Variants in MUC17 observed in about 807,000 individuals in gnomAD.
MUC17 encodes the protein mucin 17, cell surface associated.
In MUC17, 190 loss-of-function variants were observed where a neutral mutation model predicts 170.3. The observed-to-expected ratio is 1.12, with a 90% CI of 0.99 to 1.26. The LOEUF is 1.26. Ranked by LOEUF, MUC17 falls within the 50% of genes most tolerant of loss-of-function variation. The pLI is 0.00. For missense variants in MUC17, 6,415 were observed against 5,530.0 expected, an observed-to-expected ratio of 1.16 and a Z score of -5.08; for synonymous variants, 2,325 against 2,002.5, an observed-to-expected ratio of 1.16 and a Z score of -4.30.
chr7:101,034,273 A>G lies in MUC17; in HGVS notation c.2857A>G (p.Thr953Ala). Reference sequence around the variant, plus strand: ...TTCAGCAACTCCTGTTGACACCAGCACACCTGTGACCACTTCTACTGAAGC... The same window carrying G: ...TTCAGCAACTCCTGTTGACACCAGCGCACCTGTGACCACTTCTACTGAAGC... ...TLSATPVDTS[T>A]PVTTSTEATS... is the part of the protein sequence containing the mutation. Residue 953 changes from threonine (T) to alanine (A), a missense_variant, in exon 3 of 13, where the codon ACA becomes GCA. Coordinates refer to ENST00000306151, the MANE Select transcript of MUC17 (RefSeq NM_001040105.2). The G allele has an allele frequency of 6.2e-7, 1 of 1,609,118 alleles. No homozygotes were observed. Among genetic ancestry groups the G allele is most frequent in the Non-Finnish European group, 8.5e-7 (1 of 1,177,844 alleles).
In MUC17 at chr7:101,043,543, C is replaced by T. The variant is rs371363140; in HGVS notation, c.12127C>T (p.Arg4043Cys). The part of the protein sequence containing the change: ...TPHTSTSVTT[R>C]PVTPSSESSR... The stretch of plus-strand genomic sequence containing the variant: ...TCACACCTCTACTTCTGTCACCACC[C>T]GTCCTGTGACCCCTTCATCAGAATC... Residue 4043 changes from arginine (R) to cysteine (C), a missense_variant, in exon 3 of 13, where the codon CGT (arginine) becomes TGT (cysteine). Coordinates refer to ENST00000306151, the MANE Select transcript of MUC17 (RefSeq NM_001040105.2). The T allele has an allele frequency of 2.2e-5, 35 of 1,614,068 alleles. No homozygotes were observed. Among genetic ancestry groups the T allele is most frequent in the African/African-American group, 6.7e-5 (5 of 74,914 alleles).
In MUC17 at chr7:101,039,157, G is replaced by C. The variant is rs1794597779; in HGVS notation, c.7741G>C (p.Val2581Leu). The change falls in exon 3 of 13, where the codon GTC becomes CTC. Residue 2581 changes from valine to leucine, a missense_variant. Val to Leu is a conservative substitution (Grantham distance 32). Coordinates refer to ENST00000306151, the MANE Select transcript of MUC17 (RefSeq NM_001040105.2). ...EGSTPLRSMP[V>L]STKPLASSEA... ...AAGCACTCCATTAAGAAGTATGCCTGTCAGCACCAAGCCGTTGGCCAGTTC... is the reference window on the plus strand; with the variant it reads ...AAGCACTCCATTAAGAAGTATGCCTCTCAGCACCAAGCCGTTGGCCAGTTC... 2 of 1,613,816 alleles carry C rather than the reference G, an allele frequency of 1.2e-6. No individual in the cohort carries two copies. Among genetic ancestry groups the C allele is most frequent in the Non-Finnish European group, 1.7e-6 (2 of 1,179,982 alleles).
chr7:101,054,264 T>C (rs1325813623), intron 11 of MUC17, among the ~76,000 whole-genome samples: 1 of 152,020 alleles, frequency 6.6e-6, no homozygotes, highest in Non-Finnish European at 1.5e-5. Context: ...CACAGGTTCC[T>C]TGAGGGTGGT....
At chr7:101,054,054 T>G (rs1795004909) in intron 11 of MUC17, among the ~76,000 whole-genome samples, 2 of 26,768 alleles carry the variant, frequency 7.5e-5, no homozygotes, top group African/African-American at 1.3e-4. Flanking sequence ...AACAAGACCC[T>G]GTCAAAAAAA....
chr7:101,037,105 C>T lies in MUC17; in HGVS notation c.5689C>T (p.Pro1897Ser), dbSNP rs544539696. ...LSTTPAVTST[P>S]VTTYAQVSSS... is the part of the protein sequence containing the mutation. ...AACAACTCCCGCTGTCACCAGCACA[C>T]CTGTGACCACTTATGCTCAAGTCAG... The change falls in exon 3 of 13, where the codon CCT becomes TCT. Residue 1897 changes from proline (P) to serine (S), a missense_variant. Coordinates refer to ENST00000306151, the MANE Select transcript of MUC17 (RefSeq NM_001040105.2). The T allele has an allele frequency of 2.5e-6, 4 of 1,569,242 alleles. No homozygotes were observed. Among genetic ancestry groups the T allele is most frequent in the Non-Finnish European group, 3.4e-6 (4 of 1,174,418 alleles).
rs10267904 is a variant in MUC17 at position 101,034,221 on chromosome 7, G to A, written c.2805G>A (p.Pro935=). 157,054 of 1,585,650 alleles carry A rather than the reference G, an allele frequency of 0.099. No homozygotes were observed. The highest frequency in any genetic ancestry group is 0.18 in the African/African-American group (12,832 of 71,306). The change falls in exon 3 of 13, where the codon CCG becomes CCA. Residue 935 remains proline, a synonymous_variant. Transcript: ENST00000306151. ...PLTSMPDSTT[P]VVSSEARTLS... ...CAAGTATGCCTGACAGCACCACGCC[G>A]GTAGTCAGTTCTGAGGCTAGAACAC... is the stretch of plus-strand genomic sequence containing the variant.
rs1483936292 is a variant in MUC17, at chr7:101,043,522, A to G, written c.12106A>G (p.Thr4036Ala). 1.9e-6 allele frequency: 3 copies of G among 1,613,958 alleles called. No homozygotes were observed. The highest frequency in any genetic ancestry group is 2.5e-6 in the Non-Finnish European group (3 of 1,179,998). ...GCTTTCTGCAACCAGTACACCTCAC[A>G]CCTCTACTTCTGTCACCACCCGTCC... ...STLSATSTPH[T>A]STSVTTRPVT... is the part of the protein sequence containing the mutation. Residue 4036 changes from threonine to alanine, a missense_variant, in exon 3 of 13, where the codon ACC becomes GCC. By Grantham distance (58) the Thr-to-Ala change is moderately conservative (BLOSUM62 0). Coordinates refer to ENST00000306151, the MANE Select transcript of MUC17 (RefSeq NM_001040105.2).
rs1370676636 is a variant in MUC17, at chr7:101,035,434, A to G, written c.4018A>G (p.Thr1340Ala). The change falls in exon 3 of 13, where the codon ACA becomes GCA. Residue 1340 changes from threonine to alanine, a missense_variant. Coordinates refer to ENST00000306151, the MANE Select transcript of MUC17 (RefSeq NM_001040105.2). ...TTATAGTGAAGGAAGAACTCCTTTAACAAGTATACCTGTCAACACCACACT... is the reference window on the plus strand; with the variant it reads ...TTATAGTGAAGGAAGAACTCCTTTAGCAAGTATACCTGTCAACACCACACT... ...STYSEGRTPL[T>A]SIPVNTTLVA... The G allele has an allele frequency of 6.2e-7, 1 of 1,602,528 alleles. No individual in the cohort carries two copies. Among genetic ancestry groups the G allele is most frequent in the Non-Finnish European group, 8.5e-7 (1 of 1,172,544 alleles).
rs750245267 is a variant in MUC17 at position 101,039,026 on chromosome 7, C to T, written c.7610C>T (p.Thr2537Ile). ...VASPEASTLS[T>I]TPVDSNSPVV... Reference sequence around the variant, plus strand: ...AGTCCTGAGGCTAGCACCCTTTCAACAACTCCTGTTGACTCCAACAGTCCT... The same window carrying T: ...AGTCCTGAGGCTAGCACCCTTTCAATAACTCCTGTTGACTCCAACAGTCCT... The change falls in exon 3 of 13, where the codon ACA becomes ATA. Residue 2537 changes from threonine to isoleucine, a missense_variant. By Grantham distance (89) the Thr-to-Ile change is moderately conservative. Transcript: ENST00000306151. 6.8e-6 allele frequency: 11 copies of T among 1,613,814 alleles called. No individual in the cohort carries two copies. Among genetic ancestry groups the T allele is most frequent in the African/African-American group, 1.3e-5 (1 of 74,876 alleles).
intron 7 of MUC17, among the ~76,000 whole-genome samples, chr7:101,051,364 CAAAAAA>C (rs398005597): frequency 7.7e-5 from 4 of 52,138 alleles, no homozygotes; most frequent in Non-Finnish European, 1.3e-4. Context: ...TACTCCATCT[CAAAAAA>C]AAAAAAAAAA....
Position 101,033,832 on chromosome 7 carries a change from C to G in MUC17, c.2416C>G (p.Pro806Ala), listed in dbSNP as rs557250612. 6.2e-7 allele frequency: 1 copy of G among 1,606,802 alleles called. No homozygotes were observed. Among genetic ancestry groups the G allele is most frequent in the East Asian group, 2.3e-5 (1 of 44,394 alleles). The part of the protein sequence containing the change: ...MPISTPSEGS[P>A]LLTSIPVSIT... ...AATCTCAACTCCTAGTGAAGGAAGT[C>G]CTTTATTAACAAGTATACCTGTCAG... is the stretch of plus-strand genomic sequence containing the variant. Residue 806 changes from proline (P) to alanine (A), a missense_variant, in exon 3 of 13, where the codon CCT becomes GCT. Transcript: ENST00000306151.
At chr7:101,053,807 G>A (rs1794999422) in intron 11 of MUC17, among the ~76,000 whole-genome samples, 1 of 150,930 alleles carries the variant, frequency 6.6e-6, no homozygotes, top group Admixed American at 6.6e-5. Context: ...TTGAACCCGG[G>A]AGGCAGAGGT....
chr7:101,037,837 T>C lies in MUC17; in HGVS notation c.6421T>C (p.Ser2141Pro). 1 of 1,613,876 alleles carries C rather than the reference T, an allele frequency of 6.2e-7. No homozygotes were observed. Among genetic ancestry groups the C allele is most frequent in the Non-Finnish European group, 8.5e-7 (1 of 1,179,912 alleles). ...TGTGATCACTTCTACTGAAGTCAGT[T>C]CATCTCCTATACCTACTGAAGGTAC... is the stretch of plus-strand genomic sequence containing the variant. ...SPVITSTEVSSSPIPTEGTSM... is the reference protein window; with the variant it reads ...SPVITSTEVSPSPIPTEGTSM... The change falls in exon 3 of 13, where the codon TCA (serine) becomes CCA (proline). Residue 2141 changes from serine to proline, a missense_variant. Ser to Pro is a moderately conservative substitution (Grantham distance 74). Coordinates refer to ENST00000306151, the MANE Select transcript of MUC17 (RefSeq NM_001040105.2).
chr7:101,053,616 T>TAA, intron 11 of MUC17, 180 bp downstream of exon 11: 1 of 492,636 alleles, frequency 2.0e-6, no homozygotes, highest in Non-Finnish European at 3.6e-6. Flanking sequence ...TAAAAAAAAA[T>TAA]AAAAAATAAA....
intron 1 of MUC17, among the ~76,000 whole-genome samples, chr7:101,030,114 C>T (rs991003671): frequency 5.3e-5 from 8 of 152,132 alleles, no homozygotes; most frequent in Non-Finnish European, 8.8e-5. Flanking sequence ...GTGTGTTGAA[C>T]CTTAAGTTCT....
chr7:101,020,616 G>A (rs573607525), intron 1 of MUC17, among the ~76,000 whole-genome samples: 2 of 152,020 alleles, frequency 1.3e-5, no homozygotes, highest in South Asian at 2.1e-4. Flanking sequence ...GAATGTTCCC[G>A]CCAAGTCCCT....
chr7:101,028,380 C>T (rs182139507), intron 1 of MUC17, among the ~76,000 whole-genome samples: 44 of 151,686 alleles, frequency 2.9e-4, no homozygotes, highest in African/African-American at 9.0e-4. Flanking sequence ...TAAGCCACCG[C>T]GTCCAGATCA....
At position 101,053,411 on chromosome 7, in the gene MUC17, A is replaced by C. The variant is rs1452227559; in HGVS notation, c.13338A>C (p.Gln4446His). 1 of 1,613,660 alleles carries C rather than the reference A, an allele frequency of 6.2e-7. No individual in the cohort carries two copies. The stretch of plus-strand genomic sequence containing the variant: ...GTGGACCAGCTCCTGGGACCTTCCA[A>C]AACATTGGCTTTGACATCTGCCAAG... Reference protein sequence around the residue: ...EDSGPAPGTFQNIGFDICQDD... With the variant: ...EDSGPAPGTFHNIGFDICQDD... The change falls in exon 11 of 13, where the codon CAA becomes CAC. Residue 4446 changes from glutamine to histidine, a missense_variant. By Grantham distance (24) the Gln-to-His change is conservative. Coordinates refer to ENST00000306151, the MANE Select transcript of MUC17 (RefSeq NM_001040105.2).
At chr7:101,045,422 T>C (rs1400328104) in intron 3 of MUC17, among the ~76,000 whole-genome samples, 1 of 152,018 alleles carries the variant, frequency 6.6e-6, no homozygotes, top group Non-Finnish European at 1.5e-5. Flanking sequence ...TGATGGAGTT[T>C]CACTCTTGTT....
Sources: gnomAD v4.1 joint callset for allele counts (sites outside exome capture counted in the v4.1 genomes callset) on GRCh38, gnomAD v4.1.1 for gene constraint, MANE v1.5 for transcripts, NCBI Gene and HGNC (gene_info 2026-07-23, HGNC 2026-07-21) for gene names.